The following MIER1 variants were observed in gnomAD, a reference collection of about 807,000 sequenced individuals.
MIER1 encodes MIER1 transcriptional regulator.
Under a neutral mutation model 75.7 loss-of-function variants are expected in MIER1, and 40 were observed. The observed-to-expected ratio is 0.53, with a 90% CI of 0.41 to 0.69. The LOEUF (loss-of-function observed/expected upper bound fraction) is 0.69, where lower values mean the gene tolerates loss of function less well. MIER1 is among the 30% of genes least tolerant of loss of function. The pLI is 0.00. For synonymous variants in MIER1, 213 were observed against 223.4 expected (o/e 0.95, Z 0.42); for missense variants, 574 against 680.2 (o/e 0.84, Z 1.74).
chr1:66,964,156 C>A (rs1661842342), intron 8 of MIER1, among the ~76,000 whole-genome samples: 1 of 145,202 alleles, frequency 6.9e-6, no homozygotes, highest in Non-Finnish European at 1.5e-5. Context: ...ACTGCAACCT[C>A]CACCTCCTGG....
intron 2 of MIER1, chr1:66,928,988 A>C: frequency 7.1e-7 from 1 of 1,402,954 alleles, no homozygotes; most frequent in East Asian, 2.3e-5. Flanking sequence ...CTTAGCAGCT[A>C]CTTCATATAT....
At chr1:66,962,832 C>G (rs1332193087) in intron 7 of MIER1, among the ~76,000 whole-genome samples, 1 of 150,220 alleles carries the variant, frequency 6.7e-6, no homozygotes, top group Non-Finnish European at 1.5e-5. Flanking sequence ...GAATTCACTT[C>G]TTTGTCTCTA....
At position 66,941,943 on chromosome 1, in the gene MIER1, T is replaced by C. The variant is rs1302780564; in HGVS notation, c.193+1891T>C. On this transcript the variant is annotated intron_variant, in intron 3 of 13. Transcript: ENST00000401041. Reference sequence around the variant, plus strand: ...GAGATCATGCCACTGCACTCCAGCCTGAGCTATAGAGCGAGACTCCTTCTC... The same window carrying C: ...GAGATCATGCCACTGCACTCCAGCCCGAGCTATAGAGCGAGACTCCTTCTC... 2.8e-5 allele frequency among the ~76,000 whole-genome samples: 4 copies of C among 143,284 alleles called. No homozygotes were observed. In the Admixed American group the frequency reaches 3.0e-4, roughly 11 times the overall value. The allele number at this position is 143,284 out of a possible 152,430, so 94.0% of individuals were successfully genotyped here. A position where few individuals can be genotyped will look rare whatever the true frequency, so the allele number is the denominator to read the frequency against.
At chr1:66,979,683 T>G (rs1665503820) in intron 12 of MIER1, among the ~76,000 whole-genome samples, 1 of 152,158 alleles carries the variant, frequency 6.6e-6, no homozygotes, top group African/African-American at 2.4e-5. Flanking sequence ...TAATAATAAT[T>G]ACTATCCTTT....
intron 7 of MIER1, among the ~76,000 whole-genome samples, chr1:66,962,258 G>A (rs934866787): frequency 7.2e-5 from 11 of 152,132 alleles, no homozygotes; most frequent in African/African-American, 2.7e-4. Context: ...TATATTTGTG[G>A]GAGGAGGTTA....
At chr1:66,973,022 A>C (rs1359787747) in intron 11 of MIER1, 31 bp downstream of exon 11, 1 of 1,258,154 alleles carries the variant, frequency 7.9e-7, no homozygotes. Flanking sequence ...TTTTGCAAAA[A>C]GAAATTTAGT....
At chr1:66,955,772 C>G (rs961929773) in intron 4 of MIER1, among the ~76,000 whole-genome samples, 6 of 151,924 alleles carry the variant, frequency 3.9e-5, no homozygotes, top group Non-Finnish European at 5.9e-5. Flanking sequence ...CTTTTGGGGC[C>G]CTTATTCATA....
chr1:66,943,944 T>C (rs1444405665), intron 3 of MIER1, among the ~76,000 whole-genome samples: 1 of 152,214 alleles, frequency 6.6e-6, no homozygotes, highest in African/African-American at 2.4e-5. Flanking sequence ...CTACTGGCTT[T>C]GTAAGTTTAG....
chr1:66,947,139 T>G (rs2985825), intron 4 of MIER1: 235,236 of 305,744 alleles, frequency 0.77, 91,150 homozygotes, highest in East Asian at 0.88. Flanking sequence ...CTGGAGGTGG[T>G]GTTCAGATCC....
At position 66,986,015 on chromosome 1, in the gene MIER1, T is replaced by C; in HGVS notation, c.*1115T>C. On this transcript the variant is annotated 3_prime_UTR_variant, in exon 14 of 14. Transcript: ENST00000401041. ...TGACCAGAATCCTGTTATTTTTATA[T>C]GCATCATAAAATTTCCCATTTCTGC... 1 of 992,022 alleles carries C rather than the reference T, an allele frequency of 1.0e-6. No individual in the cohort carries two copies. Among genetic ancestry groups the C allele is most frequent in the South Asian group, 4.6e-5 (1 of 21,780 alleles). The allele number at this position is 992,022 out of a possible 1,614,324, so 61.5% of individuals were successfully genotyped here.
At chr1:66,975,229 T>C (rs1245735349) in intron 11 of MIER1, among the ~76,000 whole-genome samples, 1 of 152,062 alleles carries the variant, frequency 6.6e-6, no homozygotes, top group Non-Finnish European at 1.5e-5. Context: ...CTGGATTTCC[T>C]TTTAAATGGT....
chr1:66,969,779 C>T (rs1469664255), intron 8 of MIER1, among the ~76,000 whole-genome samples: 3 of 152,102 alleles, frequency 2.0e-5, no homozygotes, highest in African/African-American at 7.2e-5. Flanking sequence ...TACTCTCTAG[C>T]TACTCCCCTA....
At chr1:66,931,140 T>C (rs1446210044) in intron 2 of MIER1, among the ~76,000 whole-genome samples, 3 of 152,106 alleles carry the variant, frequency 2.0e-5, no homozygotes, top group Non-Finnish European at 4.4e-5. Flanking sequence ...AGAAGCTTTT[T>C]CTTGTTTCTT....
chr1:66,960,462 A>C (rs544713838), intron 7 of MIER1, among the ~76,000 whole-genome samples: 1 of 152,290 alleles, frequency 6.6e-6, no homozygotes, highest in South Asian at 2.1e-4. Flanking sequence ...AGTTAAGTTA[A>C]AGAATTGTAA....
In MIER1 at chr1:66,987,218, A is replaced by G. The variant is rs1666896258; in HGVS notation, c.*2318A>G. 6.5e-6 allele frequency: 1 copy of G among 152,740 alleles called. No homozygotes were observed. Among genetic ancestry groups the G allele is most frequent in the Non-Finnish European group, 1.5e-5 (1 of 67,982 alleles). 9.5% of individuals were successfully genotyped at this position (152,740 alleles called of 1,614,324 possible). A position where few individuals can be genotyped will look rare whatever the true frequency, so the allele number is the denominator to read the frequency against. On this transcript the variant is annotated 3_prime_UTR_variant, in exon 14 of 14. Coordinates refer to ENST00000401041, the MANE Select transcript of MIER1 (RefSeq NM_001077700.3). Reference sequence around the variant, plus strand: ...GTTTATACAGGTATTTCACACAATAATTTGTTCTTAATGCAGCCACTATAA... The same window carrying G: ...GTTTATACAGGTATTTCACACAATAGTTTGTTCTTAATGCAGCCACTATAA...
At chr1:66,972,816 G>T in intron 10 of MIER1, 81 bp from the exon 11 acceptor site, 1 of 718,840 alleles carries the variant, frequency 1.4e-6, no homozygotes, top group Non-Finnish European at 2.4e-6. Context: ...TTACGAGAAG[G>T]TTAAGTTTTC....
At chr1:66,963,622 A>G (rs1485573575) in intron 8 of MIER1, among the ~76,000 whole-genome samples, 2 of 152,222 alleles carry the variant, frequency 1.3e-5, no homozygotes. Flanking sequence ...AAAATGGAGT[A>G]CTTTGGACCA....
At chr1:66,942,744 A>G (rs1656539331) in intron 3 of MIER1, among the ~76,000 whole-genome samples, 1 of 152,240 alleles carries the variant, frequency 6.6e-6, no homozygotes, top group African/African-American at 2.4e-5. Context: ...TTGAAAGTTT[A>G]TAGAAAAAAG....
Position 66,981,891 on chromosome 1 carries a change from G to A in MIER1, c.1342G>A (p.Gly448Ser). 1 of 1,613,960 alleles carries A rather than the reference G, an allele frequency of 6.2e-7. No individual in the cohort carries two copies. Among genetic ancestry groups the A allele is most frequent in the Non-Finnish European group, 8.5e-7 (1 of 1,179,904 alleles). The change falls in exon 13 of 14, where the codon GGC becomes AGC. Residue 448 changes from glycine (G) to serine (S), a missense_variant. By Grantham distance (56) the Gly-to-Ser change is moderately conservative. This residue lies in a region of MIER1 where 164 missense variants were observed against 154.3 expected (regional missense o/e 1.06). Coordinates refer to ENST00000401041, the MANE Select transcript of MIER1 (RefSeq NM_001077700.3). Reference protein sequence around the residue: ...SSNSQSEKEDGTVSTANQNGV... With the variant: ...SSNSQSEKEDSTVSTANQNGV... ...TAACAGCCAGTCTGAGAAAGAAGAT[G>A]GCACTGTAAGCACTGCTAATCAAAA...
Sources: allele counts gnomAD v4.1 joint callset (sites outside exome capture counted in the v4.1 genomes callset), GRCh38; gene constraint gnomAD v4.1.1; regional missense constraint gnomAD v4.1.1; transcripts MANE v1.5; gene names NCBI Gene and HGNC (gene_info 2026-07-23, HGNC 2026-07-21).